The following PCDHGB3 variants were observed in gnomAD, a reference collection of about 807,000 sequenced individuals.
PCDHGB3 encodes protocadherin gamma subfamily B, 3.
PCDHGB3 carries 40 observed loss-of-function variants against 59.2 expected under a neutral mutation model. The ratio of observed to expected loss-of-function variants is 0.68; its 90% CI spans 0.52 to 0.88. PCDHGB3 has a LOEUF of 0.88. PCDHGB3 is among the 40% of genes least tolerant of loss of function. PCDHGB3 has a pLI of 0.00. For synonymous variants in PCDHGB3, 581 were observed against 503.6 expected, an observed-to-expected ratio of 1.15 and a Z score of -2.06; for missense variants, 1,309 against 1,187.9, an observed-to-expected ratio of 1.10 and a Z score of -1.50.
chr5:141,384,636 C>T (rs760530136), intron 1 of PCDHGB3: 4 of 1,614,202 alleles, frequency 2.5e-6, no homozygotes, highest in South Asian at 1.1e-5. Flanking sequence ...AGCTGGCACC[C>T]CGCTCCGCAG....
chr5:141,405,032 G>T lies in PCDHGB3; in HGVS notation c.2415+32223G>T, dbSNP rs747720731. On this transcript the variant is annotated intron_variant, in intron 1 of 3. Coordinates refer to ENST00000576222, the MANE Select transcript of PCDHGB3 (RefSeq NM_018924.5). Reference sequence around the variant, plus strand: ...GGCCTCAGACCTTACCCTCTACCTCGTTGTGGCTGTGGCAGTCGTCTCCTG... The same window carrying T: ...GGCCTCAGACCTTACCCTCTACCTCTTTGTGGCTGTGGCAGTCGTCTCCTG... The T allele has an allele frequency of 1.9e-6, 3 of 1,613,806 alleles. No homozygotes were observed. Among genetic ancestry groups the T allele is most frequent in the Admixed American group, 3.3e-5 (2 of 59,992 alleles).
chr5:141,419,734 G>A, intron 1 of PCDHGB3: 2 of 1,613,792 alleles, frequency 1.2e-6, no homozygotes, highest in Non-Finnish European at 1.7e-6. Context: ...GAACAGGCGA[G>A]GTGCGCATGG....
intron 1 of PCDHGB3, chr5:141,386,063 G>A (rs2090447648): frequency 6.6e-6 from 1 of 152,220 alleles, no homozygotes; most frequent in South Asian, 2.1e-4. Flanking sequence ...GAGAATTCCA[G>A]TATGTTGTTT....
At chr5:141,422,032 G>A in intron 1 of PCDHGB3, 1 of 1,611,280 alleles carries the variant, frequency 6.2e-7, no homozygotes, top group Non-Finnish European at 8.5e-7. Context: ...TAATGCAACG[G>A]ATCCAGACGA....
At chr5:141,441,871 G>A (rs1020432020) in intron 1 of PCDHGB3, 3 of 340,480 alleles carry the variant, frequency 8.8e-6, no homozygotes, top group Admixed American at 8.1e-5. Context: ...CGCGGAGCCT[G>A]GCTACCTGGT....
chr5:141,396,631 A>C lies in PCDHGB3; in HGVS notation c.2415+23822A>C, dbSNP rs1471198116. 7 of 152,348 alleles carry C rather than the reference A, an allele frequency of 4.6e-5. No homozygotes were observed. The South Asian group carries it at 6.2e-4, about 14-fold the overall frequency. 9.4% of individuals were successfully genotyped at this position (152,348 alleles called of 1,614,324 possible). On this transcript the variant is annotated intron_variant, in intron 1 of 3. Transcript: ENST00000576222. ...TGAGACTCCGTCTCAAAAAAAAAAAAAACTAATATTAATAGTAAAAACTCG... is the reference window on the plus strand; with the variant it reads ...TGAGACTCCGTCTCAAAAAAAAAAACAACTAATATTAATAGTAAAAACTCG...
chr5:141,494,586 G>A (rs770159202), intron 1 of PCDHGB3, among the ~76,000 whole-genome samples: 1 of 152,112 alleles, frequency 6.6e-6, no homozygotes, highest in Non-Finnish European at 1.5e-5. Context: ...GCTCACTGTG[G>A]TCAGATGAAA....
intron 2 of PCDHGB3, among the ~76,000 whole-genome samples, chr5:141,504,341 CTTTGTGCTAGGT>C (rs963088433): frequency 3.9e-5 from 6 of 152,020 alleles, no homozygotes; most frequent in African/African-American, 1.4e-4. Flanking sequence ...AAGTGCTAGG[CTTTGTGCTAGGT>C]GCTTCAGTAG....
At position 141,477,262 on chromosome 5, in the gene PCDHGB3, C is replaced by G; in HGVS notation, c.2416-17545C>G. On this transcript the variant is annotated intron_variant, in intron 1 of 3. Coordinates refer to ENST00000576222, the MANE Select transcript of PCDHGB3 (RefSeq NM_018924.5). The surrounding 1 kb of genome is among the most constrained non-coding windows in gnomAD (Gnocchi z 4.9). ...TCAGTGTGACTGACCTGGATGCTGG[C>G]GAGAACGGGCTGGTGACCTGCGAAG... The G allele has an allele frequency of 6.2e-7, 1 of 1,614,138 alleles. No homozygotes were observed.
In PCDHGB3 at chr5:141,414,656, C is replaced by A. The variant is rs1409573217; in HGVS notation, c.2415+41847C>A. The A allele has an allele frequency of 1.2e-5, 20 of 1,614,008 alleles. No individual in the cohort carries two copies. Among genetic ancestry groups the A allele is most frequent in the Non-Finnish European group, 1.7e-5 (20 of 1,179,888 alleles). On this transcript the variant is annotated intron_variant, in intron 1 of 3. Transcript: ENST00000576222. ...AAAGAGAATGCCCAGATTATTTACTCCCTGGCTGAAGACACCATCCAGGGG... is the reference window on the plus strand; with the variant it reads ...AAAGAGAATGCCCAGATTATTTACTACCTGGCTGAAGACACCATCCAGGGG...
At chr5:141,474,133 C>T (rs35162249) in intron 1 of PCDHGB3, among the ~76,000 whole-genome samples, 9,247 of 152,260 alleles carry the variant, frequency 0.061, 334 homozygotes, top group South Asian at 0.12. Flanking sequence ...CAGAAAACTA[C>T]AGGCCTTATT....
chr5:141,399,559 G>T (rs1589373313), intron 1 of PCDHGB3: 1 of 1,614,038 alleles, frequency 6.2e-7, no homozygotes, highest in African/African-American at 1.3e-5. Context: ...CCTGGACTTG[G>T]GGTTGAACGG....
intron 3 of PCDHGB3, chr5:141,507,313 T>TAC (rs1554192306): frequency 6.7e-6 from 1 of 150,168 alleles, no homozygotes. Context: ...CATAATGTAC[T>TAC]AAAAAAAAAA....
At chr5:141,458,090 G>C (rs1306631184) in intron 1 of PCDHGB3, among the ~76,000 whole-genome samples, 2 of 152,234 alleles carry the variant, frequency 1.3e-5, no homozygotes, top group Non-Finnish European at 1.5e-5. Context: ...CGTAAGTTAA[G>C]AGTACTTACA....
chr5:141,394,013 T>C, intron 1 of PCDHGB3: 1 of 1,613,384 alleles, frequency 6.2e-7, no homozygotes, highest in Non-Finnish European at 8.5e-7. Flanking sequence ...CAATAGGTAA[T>C]TATTATAGAT....
rs774354457 is a variant in PCDHGB3 at position 141,409,462 on chromosome 5, CA to C, written c.2415+36654del. 8.1e-6 allele frequency: 13 copies of C among 1,613,870 alleles called. No individual in the cohort carries two copies. The East Asian group carries it at 2.9e-4, about 36-fold the overall frequency. On this transcript the variant is annotated intron_variant, in intron 1 of 3. Coordinates refer to ENST00000576222, the MANE Select transcript of PCDHGB3 (RefSeq NM_018924.5). ...GAGAGCAGACACCAGAATACAATGT[CA>C]CCATCGTAGCCACTGACAGGGGCAA... is the stretch of plus-strand genomic sequence containing the variant.
At position 141,418,522 on chromosome 5, in the gene PCDHGB3, C is replaced by T. The variant is rs751177053; in HGVS notation, c.2415+45713C>T. The T allele has an allele frequency of 1.5e-5, 24 of 1,613,884 alleles. No individual in the cohort carries two copies. The African/African-American group carries it at 2.7e-4, about 18-fold the overall frequency. ...CCGCCTTAGATGGTGGGGACCCTCC[C>T]CGAAGCGGTACTGCTCAGATAAGAA... is the stretch of plus-strand genomic sequence containing the variant. On this transcript the variant is annotated intron_variant, in intron 1 of 3. Transcript: ENST00000576222.
At chr5:141,406,346 G>T (rs1296474677) in intron 1 of PCDHGB3, among the ~76,000 whole-genome samples, 2 of 152,092 alleles carry the variant, frequency 1.3e-5, no homozygotes, top group Non-Finnish European at 2.9e-5. Flanking sequence ...ATTTATTCAG[G>T]TCATACTATG....
rs756134036 is a variant in PCDHGB3 at position 141,374,596 on chromosome 5, G to GC, written c.2415+1788dup. On this transcript the variant is annotated intron_variant, in intron 1 of 3. Transcript: ENST00000576222. ...GAATGAACTCCCTTCAGGGATTTAA[G>GC]CTCAGTGGTAATAGTCACTTCTCAG... The GC allele has an allele frequency of 1.9e-6, 3 of 1,613,578 alleles. No homozygotes were observed. The African/African-American group carries it at 4.0e-5, about 22-fold the overall frequency.
Sources: gnomAD v4.1 joint callset for allele counts (sites outside exome capture counted in the v4.1 genomes callset) on GRCh38, gnomAD v4.1.1 for gene constraint, Gnocchi (gnomAD v3.1) non-coding constraint, MANE v1.5 for transcripts, NCBI Gene and HGNC (gene_info 2026-07-23, HGNC 2026-07-21) for gene names.